The following SYNE1 variants were observed in gnomAD, a reference collection of about 807,000 sequenced individuals.
The protein encoded by SYNE1 is nesprin-1.
A neutral mutation model predicts 1,111.0 loss-of-function variants in SYNE1; 616 were observed. The ratio of observed to expected loss-of-function variants is 0.55; its 90% CI spans 0.52 to 0.59. The LOEUF is 0.59. Among genes scored for constraint, SYNE1 ranks in the 20% least tolerant of loss-of-function variants. The probability of loss-of-function intolerance (pLI) is 0.00; values close to 1 mark genes in which losing one functional copy is unlikely to be tolerated. For missense variants in SYNE1, 10,006 were observed against 10,417.0 expected (o/e 0.96, Z 1.72); for synonymous variants, 3,855 against 3,825.8 (o/e 1.01, Z -0.28).
chr6:152,505,724 A>G (rs181034934), intron 8 of SYNE1, among the ~76,000 whole-genome samples: 16 of 152,358 alleles, frequency 1.1e-4, no homozygotes, highest in African/African-American at 3.8e-4. Flanking sequence ...GGATGTTTAC[A>G]TTTATTTTAT....
rs749734325 is a variant in SYNE1, at chr6:152,326,067, C to A, written c.15329G>T (p.Arg5110Met). ...TAQWHDYQKA[R>M]EEVIELMNDT... ...ATTCATCAATTCAATAACCTCTTCCCTTGCTTTCTGGTAATCGTGCCATTG... is the reference window on the plus strand; with the variant it reads ...ATTCATCAATTCAATAACCTCTTCCATTGCTTTCTGGTAATCGTGCCATTG... Residue 5110 changes from arginine to methionine, a missense_variant, in exon 80 of 146, where the codon AGG (arginine) becomes ATG (methionine). Arg to Met is a moderately conservative substitution (Grantham distance 91, BLOSUM62 -1). Around this residue, in one of 7 missense-constraint regions of SYNE1, gnomAD observed 4,955 missense variants for 5,017.2 expected, o/e 0.99. Transcript: ENST00000367255. The A allele has an allele frequency of 1.9e-6, 3 of 1,614,134 alleles. No homozygotes were observed. The highest frequency in any genetic ancestry group is 2.5e-6 in the Non-Finnish European group (3 of 1,180,038).
At chr6:152,526,201 C>T in intron 4 of SYNE1, 26 bp from the exon 5 acceptor site, 1 of 1,592,214 alleles carries the variant, frequency 6.3e-7, no homozygotes, top group Non-Finnish European at 8.6e-7. Context: ...GGAATAAGTG[C>T]AGAAAATATC....
intron 12 of SYNE1, among the ~76,000 whole-genome samples, chr6:152,486,459 T>C (rs1239560904): frequency 6.6e-6 from 1 of 152,254 alleles, no homozygotes; most frequent in Admixed American, 6.5e-5. Context: ...GGAGGATTTC[T>C]GTTTTCTGTT....
intron 99 of SYNE1, among the ~76,000 whole-genome samples, chr6:152,268,655 A>G (rs2092945646): frequency 6.6e-6 from 1 of 152,198 alleles, no homozygotes; most frequent in Non-Finnish European, 1.5e-5. Context: ...ACATACAGTT[A>G]AGGTACCAAT....
intron 3 of SYNE1, among the ~76,000 whole-genome samples, chr6:152,564,304 T>G (rs928361245): frequency 5.3e-5 from 8 of 152,094 alleles, no homozygotes; most frequent in Non-Finnish European, 1.0e-4. Flanking sequence ...GAAATGTTTG[T>G]TTTTTGTTTG....
chr6:152,596,518 A>C (rs993517796), intron 3 of SYNE1, among the ~76,000 whole-genome samples: 1 of 152,098 alleles, frequency 6.6e-6, no homozygotes, highest in African/African-American at 2.4e-5. Flanking sequence ...GGCCTCCCAA[A>C]GTGCTGGGAT....
At chr6:152,473,248 T>C (rs118135299) in intron 14 of SYNE1, among the ~76,000 whole-genome samples, 4,253 of 152,250 alleles carry the variant, frequency 0.028, 87 homozygotes, top group Non-Finnish European at 0.033. Context: ...GCAGAATAAA[T>C]ACAGTACTTA....
At chr6:152,440,334 G>A (rs1258294651) in intron 32 of SYNE1, among the ~76,000 whole-genome samples, 1 of 152,032 alleles carries the variant, frequency 6.6e-6, no homozygotes, top group Non-Finnish European at 1.5e-5. Flanking sequence ...AACAAGTCTG[G>A]CTCCATGTTG....
chr6:152,559,547 A>C (rs1564846550), intron 3 of SYNE1, among the ~76,000 whole-genome samples: 1 of 152,208 alleles, frequency 6.6e-6, no homozygotes, highest in African/African-American at 2.4e-5. Context: ...TCAATGGGCC[A>C]AAAAATAAAA....
chr6:152,381,997 T>TA (rs1197120027), intron 55 of SYNE1, among the ~76,000 whole-genome samples: 1 of 152,254 alleles, frequency 6.6e-6, no homozygotes, highest in Non-Finnish European at 1.5e-5. Flanking sequence ...AGTATTTTTT[T>TA]ACCTTAAAAA....
At chr6:152,216,716 T>G (rs2078764794) in intron 121 of SYNE1, among the ~76,000 whole-genome samples, 1 of 152,154 alleles carries the variant, frequency 6.6e-6, no homozygotes, top group Non-Finnish European at 1.5e-5. Context: ...CAATAAAATT[T>G]TCATGCCTGT....
intron 99 of SYNE1, 71 bp from the exon 100 acceptor site, chr6:152,268,236 G>C (rs1442304556): frequency 1.6e-6 from 2 of 1,267,012 alleles, no homozygotes; most frequent in Non-Finnish European, 2.3e-6. Flanking sequence ...CATAGTTCTA[G>C]CTATAAAATT....
intron 14 of SYNE1, chr6:152,481,257 C>CGCCGTATCATTAAAAA: frequency 4.9e-6 from 1 of 203,942 alleles, no homozygotes; most frequent in Non-Finnish European, 1.0e-5. Context: ...AGATTGGAGG[C>CGCCGTATCATTAAAAA]ACCACAAACG....
intron 41 of SYNE1, among the ~76,000 whole-genome samples, chr6:152,416,035 C>T (rs1056591374): frequency 1.3e-5 from 2 of 152,064 alleles, no homozygotes; most frequent in Admixed American, 6.5e-5. Context: ...GGGAAAGAGA[C>T]AGAATAAGGT....
At chr6:152,275,263 GT>G (rs1409776366) in intron 98 of SYNE1, among the ~76,000 whole-genome samples, 2 of 151,786 alleles carry the variant, frequency 1.3e-5, no homozygotes, top group African/African-American at 2.4e-5. Flanking sequence ...ACTGGCAAAG[GT>G]TTTCCCTATC....
chr6:152,277,051 C>T (rs565178952), intron 98 of SYNE1, among the ~76,000 whole-genome samples: 7 of 151,252 alleles, frequency 4.6e-5, no homozygotes, highest in East Asian at 2.0e-4. Context: ...CCACTATGCC[C>T]GGCTAATTTT....
At position 152,323,342 on chromosome 6, in the gene SYNE1, G is replaced by A. The variant is rs2095937592; in HGVS notation, c.15917+136C>T. On this transcript the variant is annotated intron_variant, in intron 82 of 145. Coordinates refer to ENST00000367255, the MANE Select transcript of SYNE1 (RefSeq NM_182961.4). ...AGTCCCAGCTACTCAGAGAGGCTGA[G>A]GCAGGAGAATGGCGTGAACCCGGGA... 16 of 1,333,180 alleles carry A rather than the reference G, an allele frequency of 1.2e-5. No individual in the cohort carries two copies. In the South Asian group the frequency reaches 1.6e-4, roughly 13 times the overall value. 82.6% of individuals were successfully genotyped at this position (1,333,180 alleles called of 1,614,324 possible). A position where few individuals can be genotyped will look rare whatever the true frequency, so the allele number is the denominator to read the frequency against.
At chr6:152,474,944 A>C (rs2154282975) in intron 14 of SYNE1, among the ~76,000 whole-genome samples, 1 of 152,332 alleles carries the variant, frequency 6.6e-6, no homozygotes, top group African/African-American at 2.4e-5. Flanking sequence ...AAAAAGTAGA[A>C]CAGTTAGAAA....
chr6:152,151,106 C>G (rs1033375987), intron 135 of SYNE1, among the ~76,000 whole-genome samples: 4 of 151,912 alleles, frequency 2.6e-5, no homozygotes, highest in Non-Finnish European at 2.9e-5. Flanking sequence ...CCTGTAATCT[C>G]AGCTCCTTGG....
Sources: allele counts gnomAD v4.1 joint callset (sites outside exome capture counted in the v4.1 genomes callset), GRCh38; gene constraint gnomAD v4.1.1; regional missense constraint gnomAD v4.1.1; transcripts MANE v1.5; gene names NCBI Gene and HGNC (gene_info 2026-07-23, HGNC 2026-07-21).